The following GTPBP3 variants were observed in gnomAD, a reference collection of about 807,000 sequenced individuals.
The protein encoded by GTPBP3 is GTP binding protein 3, mitochondrial, also known as 5-taurinomethyluridine-[tRNA] synthase subunit GTPB3, mitochondrial.
GTPBP3 carries 35 observed loss-of-function variants against 42.0 expected under a neutral mutation model. The ratio of observed to expected loss-of-function variants is 0.83; its 90% CI spans 0.64 to 1.10. The LOEUF (loss-of-function observed/expected upper bound fraction) is 1.10. GTPBP3 is among the 50% of genes least tolerant of loss of function. The pLI, the probability that GTPBP3 is intolerant of heterozygous loss-of-function variation, is 0.00. For missense variants in GTPBP3, 691 were observed against 685.2 expected, an observed-to-expected ratio of 1.01 and a Z score of -0.09; for synonymous variants, 332 against 314.9, an observed-to-expected ratio of 1.05 and a Z score of -0.58.
Position 17,337,648 on chromosome 19 carries a change from G to A in GTPBP3, c.37G>A (p.Ala13Thr). 7.5e-7 allele frequency: 1 copy of A among 1,336,612 alleles called. No homozygotes were observed. Among genetic ancestry groups the A allele is most frequent in the Non-Finnish European group, 9.6e-7 (1 of 1,038,978 alleles). 82.8% of individuals were successfully genotyped at this position (1,336,612 alleles called of 1,614,324 possible). A position where few individuals can be genotyped will look rare whatever the true frequency, so the allele number is the denominator to read the frequency against. Residue 13 changes from alanine (A) to threonine (T), a missense_variant, in exon 1 of 9, where the codon GCA becomes ACA. By Grantham distance (58) the Ala-to-Thr change is moderately conservative. Transcript: ENST00000324894. ...GCTTTGGACCCTGGCGGCCCAAGCG[G>A]CACGTGGGCCTCGCAGGTGGGGCTA... The part of the protein sequence containing the change: ...RGLWTLAAQA[A>T]RGPRRLCTRR...
rs199648977 is a variant in GTPBP3, at chr19:17,338,051, G to C, written c.97G>C (p.Gly33Arg). The C allele has an allele frequency of 1.7e-5, 27 of 1,597,726 alleles. No individual in the cohort carries two copies. The highest frequency in any genetic ancestry group is 2.3e-5 in the Non-Finnish European group (27 of 1,179,442). Residue 33 changes from glycine (G) to arginine (R), a missense_variant, in exon 2 of 9, where the codon GGC (glycine) becomes CGC (arginine). Gly to Arg is a moderately radical substitution (Grantham distance 125). Transcript: ENST00000324894. Reference protein sequence around the residue: ...RSSGAPAPGSGATIFALSSGQ... With the variant: ...RSSGAPAPGSRATIFALSSGQ... Reference sequence around the variant, plus strand: ...CAGCGGCGCACCAGCCCCCGGCTCCGGCGCCACCATCTTCGCGCTAAGCTC... The same window carrying C: ...CAGCGGCGCACCAGCCCCCGGCTCCCGCGCCACCATCTTCGCGCTAAGCTC...
chr19:17,337,548 G>A (rs2074378279), upstream of GTPBP3: 1 of 1,291,486 alleles, frequency 7.7e-7, no homozygotes, highest in Non-Finnish European at 9.9e-7. Flanking sequence ...AGTGGGCGGG[G>A]CCCCCTGCCC....
Position 17,341,210 on chromosome 19 carries a change from C to A in GTPBP3, c.1141C>A (p.Pro381Thr), listed in dbSNP as rs1291927372. The change falls in exon 8 of 9, where the codon CCG becomes ACG. Residue 381 changes from proline to threonine, a missense_variant. Physicochemically the swap from Pro to Thr is conservative, Grantham distance 38 (BLOSUM62 -1). Transcript: ENST00000324894. ...GCTGAACAAGTCGGACCTGCTGTCC[C>A]CGGAGGGCCCAGGTCCCGGTCCTGA... is the stretch of plus-strand genomic sequence containing the variant. Reference protein sequence around the residue: ...LVLNKSDLLSPEGPGPGPDLP... With the variant: ...LVLNKSDLLSTEGPGPGPDLP... The A allele has an allele frequency of 6.2e-7, 1 of 1,609,828 alleles. No individual in the cohort carries two copies. The highest frequency in any genetic ancestry group is 8.5e-7 in the Non-Finnish European group (1 of 1,179,952).
chr19:17,339,071 C>G, intron 5 of GTPBP3, 45 bp downstream of exon 5: 1 of 1,614,168 alleles, frequency 6.2e-7, no homozygotes, highest in Non-Finnish European at 8.5e-7. Context: ...TCATATCAGC[C>G]CTCAAAGGCT....
Position 17,338,446 on chromosome 19 carries a change from C to T in GTPBP3, c.383C>T (p.Ala128Val), listed in dbSNP as rs1185007669. The change falls in exon 3 of 9, where the codon GCC becomes GTC. Residue 128 changes from alanine (A) to valine (V), a missense_variant. By Grantham distance (64) the Ala-to-Val change is moderately conservative (BLOSUM62 0). Transcript: ENST00000324894. ...GCAGTGGTGAGCGGCGTCCTGCAGG[C>T]CTTGGGTGAGTTGCAGCGTTGGGTG... is the stretch of plus-strand genomic sequence containing the variant. The part of the protein sequence containing the change: ...GPAVVSGVLQ[A>V]LGSVPGLRPA... 1 of 1,613,968 alleles carries T rather than the reference C, an allele frequency of 6.2e-7. No individual in the cohort carries two copies. Among genetic ancestry groups the T allele is most frequent in the African/African-American group, 1.3e-5 (1 of 74,938 alleles).
upstream of GTPBP3, chr19:17,337,163 G>T (rs1175176363): frequency 1.3e-5 from 2 of 158,440 alleles, no homozygotes; most frequent in Non-Finnish European, 2.8e-5. Flanking sequence ...AAGAGGTGTA[G>T]TCCCTCCTTT....
Position 17,338,943 on chromosome 19 carries a change from T to C in GTPBP3, c.592-11T>C. ...GTGCACACACCACCTCTGCTCTCCC[T>C]GCCCCGCCAGGCTCTGGCCCACGTG... On this transcript the variant is annotated splice_polypyrimidine_tract_variant and intron_variant, in intron 4 of 8. Coordinates refer to ENST00000324894, the MANE Select transcript of GTPBP3 (RefSeq NM_032620.4). 1 of 1,585,430 alleles carries C rather than the reference T, an allele frequency of 6.3e-7. No individual in the cohort carries two copies. The highest frequency in any genetic ancestry group is 2.2e-5 in the East Asian group (1 of 44,626).
chr19:17,342,089 T>TTTCCCCTTTCCCTTTCCCC lies in GTPBP3; in HGVS notation c.*394_*395insTCCCTTTCCCCTTCCCCTT, dbSNP rs2074438678. 7.9e-6 allele frequency: 1 copy of TTTCCCCTTTCCCTTTCCCC among 126,290 alleles called. No homozygotes were observed. Among genetic ancestry groups the TTTCCCCTTTCCCTTTCCCC allele is most frequent in the Non-Finnish European group, 1.6e-5 (1 of 61,278 alleles). The allele number at this position is 126,290 out of a possible 1,614,324, so 7.8% of individuals were successfully genotyped here. On this transcript the variant is annotated 3_prime_UTR_variant, in exon 9 of 9. Transcript: ENST00000324894. ...CCTTCCCTTTCCTTTTCCCTTTCCC[T>TTTCCCCTTTCCCTTTCCCC]TTCCCCTTCCCCTTCCCCTTCCCCT...
At chr19:17,339,856 C>T (rs2074411791) in intron 7 of GTPBP3, among the ~76,000 whole-genome samples, 1 of 150,596 alleles carries the variant, frequency 6.6e-6, no homozygotes, top group Non-Finnish European at 1.5e-5. Flanking sequence ...AAGCAAGTCT[C>T]CTGCCTCAGC....
In GTPBP3 at chr19:17,337,959, T is replaced by G. The variant is rs1214140206; in HGVS notation, c.54-49T>G. The G allele has an allele frequency of 5.7e-6, 9 of 1,586,412 alleles. No homozygotes were observed. In the East Asian group the frequency reaches 1.6e-4, roughly 28 times the overall value. ...ATCGAGCCCTCGGTCTACTTGACAC[T>G]GAGGCTGAGCCTCCCAGGTGCGCTG... is the stretch of plus-strand genomic sequence containing the variant. On this transcript the variant is annotated intron_variant, in intron 1 of 8. Transcript: ENST00000324894.
At position 17,338,987 on chromosome 19, in the gene GTPBP3, G is replaced by C. The variant is rs1025794329; in HGVS notation, c.625G>C (p.Gly209Arg). The C allele has an allele frequency of 6.2e-7, 1 of 1,612,706 alleles. No homozygotes were observed. The highest frequency in any genetic ancestry group is 8.5e-7 in the Non-Finnish European group (1 of 1,179,070). The part of the protein sequence containing the change: ...LAHVEAYIDF[G>R]EDDNLEEGVL... ...CCACGTGGAGGCCTATATCGATTTC[G>C]GCGAGGATGACAACCTGGAGGAGGG... The change falls in exon 5 of 9, where the codon GGC becomes CGC. Residue 209 changes from glycine to arginine, a missense_variant. Transcript: ENST00000324894.
chr19:17,338,248 G>T lies in GTPBP3; in HGVS notation c.294G>T (p.Trp98Cys), dbSNP rs777854271. The T allele has an allele frequency of 1.3e-6, 2 of 1,590,278 alleles. No individual in the cohort carries two copies. The highest frequency in any genetic ancestry group is 2.3e-5 in the East Asian group (1 of 44,154). The change falls in exon 2 of 9, where the codon TGG (tryptophan) becomes TGT (cysteine). Residue 98 changes from tryptophan to cysteine, a missense_variant. By Grantham distance (215) the Trp-to-Cys change is radical. Transcript: ENST00000324894. The part of the protein sequence containing the change: ...GEPLDRALVL[W>C]FPGPQSFTGE... ...CTCTGGACCGCGCACTGGTGCTCTG[G>T]TTCCCAGGTGAGGGTCCCCAGGTTC...
rs140166079 is a variant in GTPBP3, at chr19:17,341,604, G to A, written c.1380G>A (p.Ala460=). 28 of 1,613,736 alleles carry A rather than the reference G, an allele frequency of 1.7e-5. No individual in the cohort carries two copies. Among genetic ancestry groups the A allele is most frequent in the East Asian group, 2.2e-5 (1 of 44,898 alleles). The change falls in exon 9 of 9, where the codon GCG becomes GCA. Residue 460 remains alanine (A), a synonymous_variant. Coordinates refer to ENST00000324894, the MANE Select transcript of GTPBP3 (RefSeq NM_032620.4). ...AAGACCTGGCCCTGGCGGCAGAGGC[G>A]CTGCGGGTGGCCCGGGGTCACCTGA... ...QSKDLALAAE[A]LRVARGHLTR... is the part of the protein sequence containing the mutation.
At chr19:17,336,443 G>C (rs962625008), upstream of GTPBP3, among the ~76,000 whole-genome samples, 6 of 146,168 alleles carry the variant, frequency 4.1e-5, no homozygotes, top group Non-Finnish European at 9.0e-5. Flanking sequence ...GTTGGAGGTT[G>C]CAAGAGCCGT....
chr19:17,336,368 G>C (rs1239102688), upstream of GTPBP3, among the ~76,000 whole-genome samples: 1 of 151,594 alleles, frequency 6.6e-6, no homozygotes, highest in Non-Finnish European at 1.5e-5. Flanking sequence ...GACTGGCATG[G>C]TGGCTCGCGC....
rs903348490 is a variant in GTPBP3, at chr19:17,341,871, G to A, written c.*168G>A. 1 of 561,980 alleles carries A rather than the reference G, an allele frequency of 1.8e-6. No individual in the cohort carries two copies. Among genetic ancestry groups the A allele is most frequent in the African/African-American group, 1.9e-5 (1 of 52,454 alleles). 34.8% of individuals were successfully genotyped at this position (561,980 alleles called of 1,614,324 possible). On this transcript the variant is annotated 3_prime_UTR_variant, in exon 9 of 9. Coordinates refer to ENST00000324894, the MANE Select transcript of GTPBP3 (RefSeq NM_032620.4). ...AGTGAGATCCCTGCAGGGACTCCCT[G>A]GAGATTCAGGCCCTGGAATGGGGCT...
chr19:17,338,896 G>A (rs773889548), intron 4 of GTPBP3, 58 bp from the exon 5 acceptor site: 33 of 1,550,154 alleles, frequency 2.1e-5, no homozygotes, highest in Non-Finnish European at 2.6e-5. Flanking sequence ...GACAAATTGG[G>A]TGTGGGAAGG....
intron 7 of GTPBP3, among the ~76,000 whole-genome samples, chr19:17,340,099 A>T (rs2074414262): frequency 6.6e-6 from 1 of 151,708 alleles, no homozygotes; most frequent in African/African-American, 2.4e-5. Context: ...CAGTGGTACA[A>T]TCTCGGCTCA....
At chr19:17,335,216 C>A, upstream of GTPBP3, 4 of 1,485,192 alleles carry the variant, frequency 2.7e-6, no homozygotes, top group South Asian at 1.2e-5. Flanking sequence ...GGCTGTGATA[C>A]ATAATTACAG....
Sources: allele counts gnomAD v4.1 joint callset (sites outside exome capture counted in the v4.1 genomes callset), GRCh38; gene constraint gnomAD v4.1.1; transcripts MANE v1.5; gene names NCBI Gene and HGNC (gene_info 2026-07-23, HGNC 2026-07-21).